BCAS3: variants seen among roughly 807,000 people sequenced by gnomAD.
BCAS3 encodes the protein BCAS4/BCAS3 fusion.
In BCAS3, 53 loss-of-function variants were observed where a neutral mutation model predicts 116.1. The ratio of observed to expected loss-of-function variants is 0.46; its 90% CI spans 0.37 to 0.57. The LOEUF (loss-of-function observed/expected upper bound fraction) is 0.57, where lower values mean the gene tolerates loss of function less well. Among genes scored for constraint, BCAS3 ranks in the 20% least tolerant of loss-of-function variants. The pLI is 0.00. For missense variants in BCAS3, 917 were observed against 1,165.4 expected (o/e 0.79, Z 3.10); for synonymous variants, 391 against 408.2 (o/e 0.96, Z 0.51).
intron 18 of BCAS3, among the ~76,000 whole-genome samples, chr17:61,038,530 G>A (rs2067227903): frequency 6.6e-6 from 1 of 151,892 alleles, no homozygotes; most frequent in Non-Finnish European, 1.5e-5. Context: ...TGGAATTACA[G>A]GCGTGAGCAA....
At chr17:60,818,434 A>G (rs1020026607) in intron 7 of BCAS3, among the ~76,000 whole-genome samples, 1 of 152,184 alleles carries the variant, frequency 6.6e-6, no homozygotes, top group African/African-American at 2.4e-5. Flanking sequence ...AATGTAAATA[A>G]GGGTTATGTT....
At position 61,256,752 on chromosome 17, in the gene BCAS3, T is replaced by C. The variant is rs1010680448; in HGVS notation, c.2426-111575T>C. Among the ~76,000 whole-genome samples the C allele has an allele frequency of 3.3e-5, 5 of 152,136 alleles. No individual in the cohort carries two copies. The highest frequency in any genetic ancestry group is 6.6e-5 in the Admixed American group (1 of 15,266). On this transcript the variant is annotated intron_variant, in intron 22 of 23. Transcript: ENST00000407086. The surrounding 1 kb of genome is among the most constrained non-coding windows in gnomAD (Gnocchi z 5.6). ...AGACAGAGTAACACAAAAATAATCA[T>C]TTCAAAAGAAACCTGAGGCTTTCAG...
At chr17:61,330,329 G>A (rs2056166990) in intron 22 of BCAS3, among the ~76,000 whole-genome samples, 1 of 144,532 alleles carries the variant, frequency 6.9e-6, no homozygotes, top group East Asian at 2.3e-4. Flanking sequence ...CGCAATCACG[G>A]CTCACTGCAG....
At chr17:60,913,933 T>C (rs2058648070) in intron 12 of BCAS3, among the ~76,000 whole-genome samples, 1 of 152,210 alleles carries the variant, frequency 6.6e-6, no homozygotes, top group African/African-American at 2.4e-5. Flanking sequence ...TTAAGTGGTA[T>C]AATTTGCTTT....
At chr17:61,100,275 C>T (rs1293394937) in intron 22 of BCAS3, among the ~76,000 whole-genome samples, 2 of 152,114 alleles carry the variant, frequency 1.3e-5, no homozygotes, top group Non-Finnish European at 2.9e-5. Flanking sequence ...AAATAGCGAA[C>T]CCTATGATCT....
chr17:61,181,024 C>T lies in BCAS3; in HGVS notation c.2425+96460C>T, dbSNP rs889518551. Among the ~76,000 whole-genome samples the T allele has an allele frequency of 6.6e-6, 1 of 151,904 alleles. No individual in the cohort carries two copies. The highest frequency in any genetic ancestry group is 1.5e-5 in the Non-Finnish European group (1 of 67,986). On this transcript the variant is annotated intron_variant, in intron 22 of 23. Transcript: ENST00000407086. The surrounding 1 kb of genome is among the most constrained non-coding windows in gnomAD (Gnocchi z 5.0). ...CTTGAGCCCAAGAGTTCGAGACCAG[C>T]CTGGGCAACAAAGTGAGAACCTGTC...
intron 19 of BCAS3, chr17:61,070,452 CT>C: frequency 6.0e-6 from 1 of 168,066 alleles, no homozygotes; most frequent in African/African-American, 2.4e-5. Context: ...TGTTGTTTAA[CT>C]TGTCTTTTTT....
chr17:61,320,505 C>T (rs553973842), intron 22 of BCAS3, among the ~76,000 whole-genome samples: 1 of 152,074 alleles, frequency 6.6e-6, no homozygotes, highest in Admixed American at 6.5e-5. Context: ...CACGGTGAAA[C>T]CCCATCTCTA....
At chr17:60,796,966 C>T (rs535635570) in intron 6 of BCAS3, among the ~76,000 whole-genome samples, 55 of 152,114 alleles carry the variant, frequency 3.6e-4, no homozygotes, top group Non-Finnish European at 5.1e-4. Context: ...AGTGCTGTGG[C>T]GTGATCTCGG....
intron 19 of BCAS3, among the ~76,000 whole-genome samples, chr17:61,067,647 C>T (rs932209028): frequency 5.4e-5 from 8 of 148,198 alleles, no homozygotes; most frequent in East Asian, 4.0e-4. Flanking sequence ...ACCTGGGAGG[C>T]GGAGGCTGCA....
At position 61,258,214 on chromosome 17, in the gene BCAS3, A is replaced by T. The variant is rs1248560626; in HGVS notation, c.2426-110113A>T. 6.6e-6 allele frequency among the ~76,000 whole-genome samples: 1 copy of T among 152,168 alleles called. No individual in the cohort carries two copies. The highest frequency in any genetic ancestry group is 1.5e-5 in the Non-Finnish European group (1 of 68,026). On this transcript the variant is annotated intron_variant, in intron 22 of 23. Coordinates refer to ENST00000407086, the MANE Select transcript of BCAS3 (RefSeq NM_017679.5). The surrounding 1 kb of genome is among the most constrained non-coding windows in gnomAD (Gnocchi z 4.7). The stretch of plus-strand genomic sequence containing the variant: ...TTCTCTGAATATCTTTGTCTTTAAT[A>T]GTCATTGCCCTCTTATGGGACTTAC...
At chr17:60,829,700 CT>C (rs1280341615) in intron 7 of BCAS3, among the ~76,000 whole-genome samples, 3 of 152,056 alleles carry the variant, frequency 2.0e-5, no homozygotes, top group Non-Finnish European at 4.4e-5. Context: ...TTCTCACTAT[CT>C]TCTTCTATCT....
At chr17:60,696,912 C>T (rs1031207110) in intron 4 of BCAS3, among the ~76,000 whole-genome samples, 3 of 151,990 alleles carry the variant, frequency 2.0e-5, no homozygotes, top group South Asian at 2.1e-4. Flanking sequence ...AAAGGCTGGG[C>T]GCGGTGGCTC....
intron 14 of BCAS3, among the ~76,000 whole-genome samples, chr17:60,972,356 A>C (rs2062015382): frequency 1.3e-5 from 2 of 151,582 alleles, no homozygotes; most frequent in South Asian, 2.1e-4. Flanking sequence ...ATTGCCCTTC[A>C]GTAATGTTAT....
chr17:61,043,514 TG>T (rs1402885951), intron 19 of BCAS3, among the ~76,000 whole-genome samples: 12 of 152,046 alleles, frequency 7.9e-5, no homozygotes, highest in Non-Finnish European at 1.8e-4. Context: ...GCTCCCTGCC[TG>T]GGGCCATTGC....
intron 4 of BCAS3, among the ~76,000 whole-genome samples, chr17:60,707,730 A>G (rs1233489328): frequency 6.6e-6 from 1 of 152,120 alleles, no homozygotes; most frequent in African/African-American, 2.4e-5. Flanking sequence ...ATTTTAGCAA[A>G]TGCTTTTTTA....
At chr17:60,769,413 A>T (rs547691409) in intron 6 of BCAS3, among the ~76,000 whole-genome samples, 2 of 152,250 alleles carry the variant, frequency 1.3e-5, no homozygotes, top group Non-Finnish European at 2.9e-5. Flanking sequence ...GCAGTAGCGG[A>T]GGTGGGCTTT....
At chr17:61,070,449 T>G (rs2071316329) in intron 19 of BCAS3, 1 of 185,732 alleles carries the variant, frequency 5.4e-6, no homozygotes, top group Non-Finnish European at 1.1e-5. Flanking sequence ...TGTTGTTGTT[T>G]AACTTGTCTT....
chr17:60,795,369 A>G (rs1356047297), intron 6 of BCAS3, among the ~76,000 whole-genome samples: 1 of 152,172 alleles, frequency 6.6e-6, no homozygotes, highest in Non-Finnish European at 1.5e-5. Flanking sequence ...GCAAACAGTG[A>G]CAGTTTGATT....
Sources: allele counts gnomAD v4.1 joint callset (sites outside exome capture counted in the v4.1 genomes callset), GRCh38; gene constraint gnomAD v4.1.1; non-coding constraint Gnocchi (gnomAD v3.1); transcripts MANE v1.5; gene names NCBI Gene and HGNC (gene_info 2026-07-23, HGNC 2026-07-21).